The following ENOX1 variants were observed in gnomAD, a reference collection of about 807,000 sequenced individuals.
ENOX1 encodes the protein ecto-NOX disulfide-thiol exchanger 1.
A neutral mutation model predicts 82.5 loss-of-function variants in ENOX1; 42 were observed. The ratio of observed to expected loss-of-function variants is 0.51; its 90% CI spans 0.40 to 0.66. ENOX1 has a LOEUF of 0.66. Among genes scored for constraint, ENOX1 ranks in the 30% least tolerant of loss-of-function variants. ENOX1 has a pLI of 0.00. For synonymous variants in ENOX1, 271 were observed against 282.2 expected (o/e 0.96, Z 0.40); for missense variants, 608 against 811.6 (o/e 0.75, Z 3.05).
In ENOX1 at chr13:43,627,405, A is replaced by G. The variant is rs557555261; in HGVS notation, c.-219+40074T>C. ...CATTTTGATTCACCTATAGTGTTTTAAATGTATTTCTTATATTTTAATGGT... is the reference window on the plus strand; with the variant it reads ...CATTTTGATTCACCTATAGTGTTTTGAATGTATTTCTTATATTTTAATGGT... On this transcript the variant is annotated intron_variant, in intron 2 of 16. Transcript: ENST00000690772. 3.3e-5 allele frequency among the ~76,000 whole-genome samples: 5 copies of G among 152,062 alleles called. No individual in the cohort carries two copies. In the South Asian group the frequency reaches 8.3e-4, roughly 25 times the overall value.
At position 43,593,703 on chromosome 13, in the gene ENOX1, C is replaced by G. The variant is rs933315710; in HGVS notation, c.-219+73776G>C. On this transcript the variant is annotated intron_variant, in intron 2 of 16. Transcript: ENST00000690772. ...ACACACACACACACACACACACACA[C>G]ACACACACACACACACACACAGGCA... Among the ~76,000 whole-genome samples, 63 of 147,690 alleles carry G rather than the reference C, an allele frequency of 4.3e-4. 1 individual carries two copies. The highest frequency in any genetic ancestry group is 1.1e-3 in the South Asian group (5 of 4,538).
At chr13:43,501,774 T>A (rs2076989551) in intron 2 of ENOX1, among the ~76,000 whole-genome samples, 1 of 127,186 alleles carries the variant, frequency 7.9e-6, no homozygotes. Flanking sequence ...AATTTTATAG[T>A]ATAAACACCT....
intron 3 of ENOX1, among the ~76,000 whole-genome samples, chr13:43,477,346 C>T (rs1389505332): frequency 6.6e-6 from 1 of 151,972 alleles, no homozygotes; most frequent in Admixed American, 6.6e-5. Flanking sequence ...ATACGCTTTG[C>T]TCTTTTCTGT....
chr13:43,495,176 T>C (rs2076750463), intron 2 of ENOX1, among the ~76,000 whole-genome samples: 1 of 152,198 alleles, frequency 6.6e-6, no homozygotes, highest in African/African-American at 2.4e-5. Flanking sequence ...AAAGACTATC[T>C]CTAATTTATT....
At chr13:43,570,153 C>G (rs2080113455) in intron 2 of ENOX1, among the ~76,000 whole-genome samples, 1 of 152,094 alleles carries the variant, frequency 6.6e-6, no homozygotes, top group Non-Finnish European at 1.5e-5. Flanking sequence ...AAATGAAAAA[C>G]AGGAGCAGAC....
At chr13:43,375,223 G>T (rs2051535104) in intron 5 of ENOX1, among the ~76,000 whole-genome samples, 1 of 151,942 alleles carries the variant, frequency 6.6e-6, no homozygotes, top group Admixed American at 6.6e-5. Context: ...ACAGAAGTGT[G>T]ACAGGTGAGA....
At chr13:43,617,355 C>T (rs9525809) in intron 2 of ENOX1, among the ~76,000 whole-genome samples, 146,922 of 152,316 alleles carry the variant, frequency 0.96, 71,085 homozygotes, top group East Asian at 1. Context: ...CGGGATAAAA[C>T]TTTGGAACAC....
chr13:43,376,524 G>A lies in ENOX1; in HGVS notation c.209-15072C>T, dbSNP rs148939999. The stretch of plus-strand genomic sequence containing the variant: ...AGTGTTTAGGCTTCACGCTTCAAGA[G>A]GGACAGGAACTTTCAGAGTAAATTA... On this transcript the variant is annotated intron_variant, in intron 5 of 16. Coordinates refer to ENST00000690772, the MANE Select transcript of ENOX1 (RefSeq NM_001347969.2). 2.0e-5 allele frequency among the ~76,000 whole-genome samples: 3 copies of A among 152,268 alleles called. No homozygotes were observed. The East Asian group carries it at 5.8e-4, about 29-fold the overall frequency.
At chr13:43,606,695 A>AAT (rs980441869) in intron 2 of ENOX1, among the ~76,000 whole-genome samples, 6 of 152,100 alleles carry the variant, frequency 3.9e-5, no homozygotes, top group African/African-American at 1.4e-4. Context: ...TGGGTACAAA[A>AAT]ATATAATTAG....
chr13:43,308,054 T>C (rs1276165109), intron 11 of ENOX1, among the ~76,000 whole-genome samples: 3 of 152,246 alleles, frequency 2.0e-5, no homozygotes, highest in African/African-American at 7.2e-5. Context: ...TGCTGACGGA[T>C]GAGCAAACAG....
intron 2 of ENOX1, among the ~76,000 whole-genome samples, chr13:43,634,300 A>C (rs1262435754): frequency 2.6e-5 from 4 of 152,162 alleles, no homozygotes; most frequent in Non-Finnish European, 5.9e-5. Flanking sequence ...ACTCCCATCA[A>C]AGAGTACAAG....
At chr13:43,379,270 A>G (rs2051863231) in intron 5 of ENOX1, among the ~76,000 whole-genome samples, 1 of 152,170 alleles carries the variant, frequency 6.6e-6, no homozygotes, top group Non-Finnish European at 1.5e-5. Context: ...AAAAATGAAT[A>G]AAAAGAGAAA....
chr13:43,699,326 A>T (rs1287325532), intron 1 of ENOX1, among the ~76,000 whole-genome samples: 1 of 152,186 alleles, frequency 6.6e-6, no homozygotes, highest in African/African-American at 2.4e-5. Context: ...AGGAACACAC[A>T]ACCCATGCTA....
intron 2 of ENOX1, among the ~76,000 whole-genome samples, chr13:43,636,332 T>C (rs935179640): frequency 6.6e-6 from 1 of 152,222 alleles, no homozygotes; most frequent in Non-Finnish European, 1.5e-5. Context: ...ATTTAAAGTC[T>C]GGTTAATAAC....
At position 43,344,579 on chromosome 13, in the gene ENOX1, T is replaced by G; in HGVS notation, c.995A>C (p.Lys332Thr). 1 of 1,614,232 alleles carries G rather than the reference T, an allele frequency of 6.2e-7. No homozygotes were observed. Among genetic ancestry groups the G allele is most frequent in the Non-Finnish European group, 8.5e-7 (1 of 1,180,038 alleles). ...AGTTAAGGCATTTTTAAAATTCTCCTTGGCTTCCTCCATCTCTTGCTCATG... is the reference window on the plus strand; with the variant it reads ...AGTTAAGGCATTTTTAAAATTCTCCGTGGCTTCCTCCATCTCTTGCTCATG... ...ATHEQEMEEAKENFKNALTGI... is the reference protein window; with the variant it reads ...ATHEQEMEEATENFKNALTGI... Residue 332 changes from lysine to threonine, a missense_variant, in exon 9 of 17, where the codon AAG becomes ACG. Lys to Thr is a moderately conservative substitution (Grantham distance 78). Coordinates refer to ENST00000690772, the MANE Select transcript of ENOX1 (RefSeq NM_001347969.2).
intron 5 of ENOX1, among the ~76,000 whole-genome samples, chr13:43,390,490 G>A (rs1307131265): frequency 6.6e-6 from 1 of 151,994 alleles, no homozygotes; most frequent in Admixed American, 6.6e-5. Flanking sequence ...GCTCCCTCTT[G>A]GTGGCTTATG....
chr13:43,363,565 G>A (rs1482152009), intron 5 of ENOX1, among the ~76,000 whole-genome samples: 1 of 152,146 alleles, frequency 6.6e-6, no homozygotes, highest in Non-Finnish European at 1.5e-5. Flanking sequence ...TTGGCAATGG[G>A]AATATTGGCA....
At chr13:43,349,497 C>T (rs2049624314) in intron 8 of ENOX1, among the ~76,000 whole-genome samples, 1 of 152,128 alleles carries the variant, frequency 6.6e-6, no homozygotes, top group South Asian at 2.1e-4. Flanking sequence ...TTGTTAACCC[C>T]CTTCCTTCTC....
rs73476081 is a variant in ENOX1 at position 43,585,246 on chromosome 13, C to T, written c.-219+82233G>A. On this transcript the variant is annotated intron_variant, in intron 2 of 16. Coordinates refer to ENST00000690772, the MANE Select transcript of ENOX1 (RefSeq NM_001347969.2). ...GCCATGAAGCAAAGAATGTGAACAG[C>T]CTTTAGGAGCTAGAAGAGGAAAGAA... 8.8e-3 allele frequency among the ~76,000 whole-genome samples: 1,346 copies of T among 152,246 alleles called. 25 individuals carry two copies. The highest frequency in any genetic ancestry group is 0.031 in the African/African-American group (1,285 of 41,536).
Sources: allele counts gnomAD v4.1 joint callset (sites outside exome capture counted in the v4.1 genomes callset), GRCh38; gene constraint gnomAD v4.1.1; transcripts MANE v1.5; gene names NCBI Gene and HGNC (gene_info 2026-07-23, HGNC 2026-07-21).